The following CNTN5 variants were observed in gnomAD, a reference collection of about 807,000 sequenced individuals.
CNTN5 encodes the protein contactin 5.
CNTN5 carries 77 observed loss-of-function variants against 129.1 expected under a neutral mutation model. That is an observed-to-expected ratio of 0.60 (90% confidence interval 0.50 to 0.72). The LOEUF is 0.72. Among genes scored for constraint, CNTN5 ranks in the 30% least tolerant of loss-of-function variants. CNTN5 has a pLI of 0.00. For synonymous variants in CNTN5, 509 were observed against 465.6 expected (o/e 1.09, Z -1.20); for missense variants, 1,478 against 1,328.8 (o/e 1.11, Z -1.75).
intron 1 of CNTN5, among the ~76,000 whole-genome samples, chr11:99,096,378 G>C (rs1866468045): frequency 1.3e-5 from 2 of 151,698 alleles, no homozygotes; most frequent in African/African-American, 2.4e-5. Context: ...AAATAAAATA[G>C]ATGAGATTCA....
At chr11:99,716,860 T>C (rs1397538581) in intron 3 of CNTN5, among the ~76,000 whole-genome samples, 1 of 152,106 alleles carries the variant, frequency 6.6e-6, no homozygotes, top group Non-Finnish European at 1.5e-5. Context: ...CGAAAGTATT[T>C]TATGTTCAAG....
At chr11:99,706,258 G>A (rs1954752161) in intron 3 of CNTN5, among the ~76,000 whole-genome samples, 1 of 151,254 alleles carries the variant, frequency 6.6e-6, no homozygotes, top group South Asian at 2.1e-4. Context: ...TGATAATGAG[G>A]CTGCCTGTAT....
At chr11:99,708,237 A>G (rs1954834088) in intron 3 of CNTN5, among the ~76,000 whole-genome samples, 1 of 151,786 alleles carries the variant, frequency 6.6e-6, no homozygotes. Context: ...CTGCTGCAGA[A>G]TTTAAATTTT....
At chr11:100,216,235 A>C (rs922707720) in intron 15 of CNTN5, among the ~76,000 whole-genome samples, 1 of 152,154 alleles carries the variant, frequency 6.6e-6, no homozygotes, top group Non-Finnish European at 1.5e-5. Context: ...CAGGTATCTG[A>C]GTATTCTTCC....
chr11:100,354,803 G>T (rs1952487462), intron 24 of CNTN5, among the ~76,000 whole-genome samples: 1 of 151,566 alleles, frequency 6.6e-6, no homozygotes, highest in Non-Finnish European at 1.5e-5. Flanking sequence ...GTAGGTAATT[G>T]TAACACAGTG....
At chr11:99,161,049 A>G (rs534080604) in intron 1 of CNTN5, among the ~76,000 whole-genome samples, 1 of 152,218 alleles carries the variant, frequency 6.6e-6, no homozygotes, top group East Asian at 1.9e-4. Flanking sequence ...TGAGTGTAGA[A>G]AAAGTGGACC....
intron 1 of CNTN5, among the ~76,000 whole-genome samples, chr11:99,082,965 T>C (rs910051698): frequency 2.6e-5 from 4 of 152,030 alleles, no homozygotes; most frequent in Non-Finnish European, 5.9e-5. Context: ...AGGATTATGG[T>C]AATTATGTTT....
At chr11:100,255,216 T>C (rs1360564663) in intron 16 of CNTN5, among the ~76,000 whole-genome samples, 1 of 152,222 alleles carries the variant, frequency 6.6e-6, no homozygotes, top group Non-Finnish European at 1.5e-5. Flanking sequence ...GTCCTTACCT[T>C]GTCTATACTA....
At chr11:99,929,707 T>A (rs1950148090) in intron 7 of CNTN5, among the ~76,000 whole-genome samples, 1 of 152,176 alleles carries the variant, frequency 6.6e-6, no homozygotes, top group African/African-American at 2.4e-5. Flanking sequence ...CCCCCGTGAT[T>A]AAATTATCCT....
chr11:100,041,192 C>T (rs1400922381), intron 9 of CNTN5, among the ~76,000 whole-genome samples: 1 of 152,154 alleles, frequency 6.6e-6, no homozygotes, highest in Non-Finnish European at 1.5e-5. Context: ...ACTGACTCTT[C>T]CTAGAATATT....
chr11:99,428,761 T>G (rs181696629), intron 2 of CNTN5, among the ~76,000 whole-genome samples: 387 of 152,220 alleles, frequency 2.5e-3, no homozygotes, highest in African/African-American at 9.1e-3. Flanking sequence ...TTTAGATTAC[T>G]TAGAAAAACT....
At chr11:99,948,057 A>C (rs1269875317) in intron 7 of CNTN5, among the ~76,000 whole-genome samples, 1 of 152,192 alleles carries the variant, frequency 6.6e-6, no homozygotes, top group Non-Finnish European at 1.5e-5. Flanking sequence ...TTGCTAACCG[A>C]GGTCTTAATT....
intron 2 of CNTN5, among the ~76,000 whole-genome samples, chr11:99,390,029 C>T (rs1489023591): frequency 7.2e-6 from 1 of 138,174 alleles, no homozygotes; most frequent in Non-Finnish European, 1.7e-5. Context: ...AGTTCTAATG[C>T]ATAGCACAAT....
intron 3 of CNTN5, among the ~76,000 whole-genome samples, chr11:99,599,568 TTAAAG>T (rs1950249852): frequency 6.6e-6 from 1 of 152,164 alleles, no homozygotes; most frequent in African/African-American, 2.4e-5. Context: ...ATTATGTATT[TTAAAG>T]TAAAGTGAGT....
intron 1 of CNTN5, among the ~76,000 whole-genome samples, chr11:99,278,453 T>C (rs1863548328): frequency 6.6e-6 from 1 of 151,702 alleles, no homozygotes; most frequent in East Asian, 1.9e-4. Context: ...AAAAATTTAA[T>C]AGATTTTCAT....
At chr11:99,523,635 A>G (rs1947357529) in intron 2 of CNTN5, among the ~76,000 whole-genome samples, 1 of 49,616 alleles carries the variant, frequency 2.0e-5, no homozygotes, top group Non-Finnish European at 4.1e-5. Context: ...AGAATAGAAT[A>G]GAATAGAATA....
At chr11:100,334,953 T>C (rs957468432) in intron 21 of CNTN5, among the ~76,000 whole-genome samples, 4 of 143,460 alleles carry the variant, frequency 2.8e-5, no homozygotes, top group East Asian at 4.1e-4. Flanking sequence ...AACTAAAAAT[T>C]AGACAATTTT....
At chr11:99,039,833 G>T (rs1033936056) in intron 1 of CNTN5, among the ~76,000 whole-genome samples, 13 of 152,060 alleles carry the variant, frequency 8.5e-5, no homozygotes, top group Admixed American at 8.5e-4. Context: ...ACATTTAAAA[G>T]GAATGTTACT....
chr11:99,946,218 A>G (rs551613961), intron 7 of CNTN5, among the ~76,000 whole-genome samples: 30 of 152,230 alleles, frequency 2.0e-4, no homozygotes, highest in Admixed American at 1.8e-3. Flanking sequence ...TATTTCCACA[A>G]CTATAATATT....
Sources: allele counts gnomAD v4.1 joint callset (sites outside exome capture counted in the v4.1 genomes callset), GRCh38; gene constraint gnomAD v4.1.1; transcripts MANE v1.5; gene names NCBI Gene and HGNC (gene_info 2026-07-23, HGNC 2026-07-21).